Variants in CLMN observed in about 807,000 individuals in gnomAD.
The protein encoded by CLMN is calmin (calponin-like, transmembrane).
In CLMN, 57 loss-of-function variants were observed where a neutral mutation model predicts 92.7. The ratio of observed to expected loss-of-function variants is 0.61; its 90% CI spans 0.50 to 0.77. CLMN has a LOEUF of 0.77. Ranked by LOEUF, CLMN falls within the 30% of genes least tolerant of loss-of-function variation. The pLI, the probability that CLMN is intolerant of heterozygous loss-of-function variation, is 0.00. For synonymous variants in CLMN, 466 were observed against 470.6 expected (o/e 0.99, Z 0.13); for missense variants, 1,158 against 1,237.5 (o/e 0.94, Z 0.96).
intron 4 of CLMN, among the ~76,000 whole-genome samples, chr14:95,216,749 T>G (rs759779434): frequency 1.3e-5 from 2 of 152,232 alleles, no homozygotes; most frequent in Non-Finnish European, 2.9e-5. Context: ...TATCTATGTA[T>G]TTAACTATGT....
chr14:95,267,040 C>G (rs1899500256), intron 1 of CLMN, among the ~76,000 whole-genome samples: 1 of 152,046 alleles, frequency 6.6e-6, no homozygotes, highest in Non-Finnish European at 1.5e-5. Context: ...TCAAAATGAA[C>G]TAAAGACTTT....
rs192354726 is a variant in CLMN, at chr14:95,312,654, C to T, written c.82+7057G>A. The stretch of plus-strand genomic sequence containing the variant: ...CCAGCCTTCCAGGCCCCTATATTCA[C>T]ATACTGCTGCTGGAAAGAAGAGTGA... On this transcript the variant is annotated intron_variant, in intron 1 of 12. Coordinates refer to ENST00000298912, the MANE Select transcript of CLMN (RefSeq NM_024734.4). Among the ~76,000 whole-genome samples the T allele has an allele frequency of 9.1e-4, 139 of 152,254 alleles. 1 individual carries two copies. In the South Asian group the frequency reaches 0.013, roughly 14 times the overall value.
At chr14:95,216,896 G>A (rs1897366998) in intron 4 of CLMN, among the ~76,000 whole-genome samples, 2 of 152,162 alleles carry the variant, frequency 1.3e-5, no homozygotes, top group South Asian at 4.1e-4. Context: ...GAACTCTGTG[G>A]GTGGGCCCAG....
At chr14:95,234,997 C>G (rs1039901101) in intron 1 of CLMN, among the ~76,000 whole-genome samples, 8 of 152,184 alleles carry the variant, frequency 5.3e-5, no homozygotes, top group Non-Finnish European at 1.0e-4. Context: ...ATGGCTTTAT[C>G]TGCTCATAAA....
intron 10 of CLMN, among the ~76,000 whole-genome samples, chr14:95,195,441 C>A (rs1896681630): frequency 6.6e-6 from 1 of 152,222 alleles, no homozygotes; most frequent in Admixed American, 6.5e-5. Flanking sequence ...AAAGTCCAGG[C>A]ACAGAAGCAA....
At chr14:95,288,632 C>T (rs983375159) in intron 1 of CLMN, among the ~76,000 whole-genome samples, 1 of 152,164 alleles carries the variant, frequency 6.6e-6, no homozygotes, top group Admixed American at 6.5e-5. Context: ...TAAATTGGTG[C>T]CACTTTCAAA....
Position 95,194,395 on chromosome 14 carries a change from G to T in CLMN, c.2769+141C>A. Reference sequence around the variant, plus strand: ...CGATCGGACTGTGCTTAATGATAAGGTTCCAATCTGCTTGTCTTCTATCCA... The same window carrying T: ...CGATCGGACTGTGCTTAATGATAAGTTTCCAATCTGCTTGTCTTCTATCCA... On this transcript the variant is annotated intron_variant, in intron 11 of 12. Transcript: ENST00000298912. The surrounding 1 kb of genome is among the most constrained non-coding windows in gnomAD (Gnocchi z 4.0). 1 of 1,519,130 alleles carries T rather than the reference G, an allele frequency of 6.6e-7. No homozygotes were observed. Among genetic ancestry groups the T allele is most frequent in the Non-Finnish European group, 8.8e-7 (1 of 1,131,782 alleles). The allele number at this position is 1,519,130 out of a possible 1,614,324, so 94.1% of individuals were successfully genotyped here. A position where few individuals can be genotyped will look rare whatever the true frequency, so the allele number is the denominator to read the frequency against.
At chr14:95,208,978 TAGCCC>T (rs951618160) in intron 8 of CLMN, among the ~76,000 whole-genome samples, 2 of 152,242 alleles carry the variant, frequency 1.3e-5, no homozygotes, top group African/African-American at 4.8e-5. Flanking sequence ...TGTGTTCACA[TAGCCC>T]TTATTTTACT....
At chr14:95,238,745 C>T (rs1307085316) in intron 1 of CLMN, among the ~76,000 whole-genome samples, 2 of 152,102 alleles carry the variant, frequency 1.3e-5, no homozygotes, top group African/African-American at 4.8e-5. Flanking sequence ...CTCCCCAATA[C>T]ATGCCCGCAG....
intron 1 of CLMN, among the ~76,000 whole-genome samples, chr14:95,312,177 C>A (rs1901571191): frequency 6.6e-6 from 1 of 152,128 alleles, no homozygotes; most frequent in Admixed American, 6.5e-5. Context: ...CCACGGTGAG[C>A]ACCCACAGTT....
intron 8 of CLMN, among the ~76,000 whole-genome samples, chr14:95,207,088 AT>A (rs1897066476): frequency 6.6e-6 from 1 of 152,152 alleles, no homozygotes; most frequent in African/African-American, 2.4e-5. Flanking sequence ...TTCTGTTTAA[AT>A]TTTTAATTGA....
At chr14:95,267,174 T>C (rs139290049) in intron 1 of CLMN, among the ~76,000 whole-genome samples, 62 of 152,106 alleles carry the variant, frequency 4.1e-4, no homozygotes, top group Middle Eastern at 3.4e-3. Context: ...AAATAGACAA[T>C]TGGGATCACA....
chr14:95,229,989 C>A, intron 2 of CLMN, 83 bp downstream of exon 2: 1 of 1,313,868 alleles, frequency 7.6e-7, no homozygotes, highest in Non-Finnish European at 1.1e-6. Flanking sequence ...GCACAGGTCA[C>A]CAGCTCCCCC....
At chr14:95,231,193 CTTTT>C (rs59211402) in intron 1 of CLMN, among the ~76,000 whole-genome samples, 1 of 137,338 alleles carries the variant, frequency 7.3e-6, no homozygotes, top group Non-Finnish European at 1.6e-5. Context: ...AATCCTCTAA[CTTTT>C]TTTTTTTTTT....
chr14:95,204,019 G>A lies in CLMN; in HGVS notation c.1330C>T (p.Leu444Phe). The A allele has an allele frequency of 6.2e-7, 1 of 1,614,176 alleles. No homozygotes were observed. Among genetic ancestry groups the A allele is most frequent in the East Asian group, 2.2e-5 (1 of 44,884 alleles). Reference protein sequence around the residue: ...KDPFCSKNLSLCFEGSPRVAK... With the variant: ...KDPFCSKNLSFCFEGSPRVAK... The stretch of plus-strand genomic sequence containing the variant: ...ACTCTTGGGCTCCCTTCAAAGCAAA[G>A]GGACAGGTTCTTACTGCAGAAAGGA... Residue 444 changes from leucine (L) to phenylalanine (F), a missense_variant, in exon 9 of 13, where the codon CTT becomes TTT. Leu to Phe is a conservative substitution (Grantham distance 22, BLOSUM62 0). Transcript: ENST00000298912.
At chr14:95,264,939 C>CAAA (rs34109382) in intron 1 of CLMN, among the ~76,000 whole-genome samples, 1,642 of 127,418 alleles carry the variant, frequency 0.013, 33 homozygotes, top group African/African-American at 0.037. Flanking sequence ...CCATCTCTAC[C>CAAA]AAAAAAAAAA....
chr14:95,193,044 A>G (rs1896598430), intron 12 of CLMN: 1 of 360,080 alleles, frequency 2.8e-6, no homozygotes, highest in East Asian at 5.0e-5. Context: ...GGTTCTAATG[A>G]CCACACTCTT....
intron 6 of CLMN, among the ~76,000 whole-genome samples, chr14:95,212,978 C>T (rs1307478625): frequency 6.6e-6 from 1 of 152,070 alleles, no homozygotes; most frequent in African/African-American, 2.4e-5. Context: ...TTAGTAGAGA[C>T]AGGGTTTCAC....
chr14:95,193,474 A>G (rs1247010631), intron 12 of CLMN: 3 of 1,119,328 alleles, frequency 2.7e-6, no homozygotes, highest in Admixed American at 4.5e-5. Context: ...CAGGGGCCAC[A>G]CAGCCTCACA....
Sources: allele counts gnomAD v4.1 joint callset (sites outside exome capture counted in the v4.1 genomes callset), GRCh38; gene constraint gnomAD v4.1.1; non-coding constraint Gnocchi (gnomAD v3.1); transcripts MANE v1.5; gene names NCBI Gene and HGNC (gene_info 2026-07-23, HGNC 2026-07-21).